Variants in LIPJ observed in about 807,000 individuals in gnomAD.
LIPJ encodes the protein lipase family member J.
A neutral mutation model predicts 39.8 loss-of-function variants in LIPJ; 33 were observed. That is an observed-to-expected ratio of 0.83 (90% CI 0.63 to 1.11). The LOEUF (loss-of-function observed/expected upper bound fraction) is 1.11. Among genes scored for constraint, LIPJ ranks in the 50% least tolerant of loss-of-function variants. The probability of loss-of-function intolerance (pLI) is 0.00; values close to 1 mark genes in which losing one functional copy is unlikely to be tolerated. For missense variants in LIPJ, 422 were observed against 427.9 expected (o/e 0.99, Z 0.12); for synonymous variants, 128 against 139.2 (o/e 0.92, Z 0.57).
chr10:88,618,159 A>G, the LIPJ span: 1 of 151,872 alleles, frequency 6.6e-6, no homozygotes, highest in African/African-American at 2.4e-5. Context: ...TTTTTTTTCA[A>G]TTTGAAAGCA....
downstream of LIPJ, among the ~76,000 whole-genome samples, chr10:88,610,587 A>C (rs1008204212): frequency 6.6e-6 from 1 of 152,174 alleles, no homozygotes; most frequent in Non-Finnish European, 1.5e-5. Flanking sequence ...TACAATTGCC[A>C]AAACAATTTT....
At chr10:88,592,572 G>A (rs536559506) in intron 4 of LIPJ, 1 of 151,910 alleles carries the variant, frequency 6.6e-6, no homozygotes, top group East Asian at 1.9e-4. Flanking sequence ...AGGAGTTCAA[G>A]GTTCCCATAA....
chr10:88,583,442 G>C, upstream of LIPJ: 1 of 1,334,584 alleles, frequency 7.5e-7, no homozygotes, highest in Admixed American at 3.4e-5. Flanking sequence ...TCTCGCTTTG[G>C]GGGCCGGGCG....
chr10:88,618,021 A>G, the LIPJ span, among the ~76,000 whole-genome samples: 1 of 152,178 alleles, frequency 6.6e-6, no homozygotes, highest in Non-Finnish European at 1.5e-5. Flanking sequence ...CATATGAGAA[A>G]AAGTTGAGTT....
chr10:88,587,645 C>T (rs955953341), intron 2 of LIPJ, among the ~76,000 whole-genome samples: 1 of 152,014 alleles, frequency 6.6e-6, no homozygotes, highest in African/African-American at 2.4e-5. Context: ...TGCTGTGGTA[C>T]AAAACTACAC....
chr10:88,611,453 T>C (rs561665489), downstream of LIPJ, among the ~76,000 whole-genome samples: 8 of 152,322 alleles, frequency 5.3e-5, no homozygotes, highest in South Asian at 2.1e-4. Context: ...AGAAAGTTGA[T>C]TATTAAGCTA....
chr10:88,582,994 C>T, upstream of LIPJ: 4 of 1,493,512 alleles, frequency 2.7e-6, no homozygotes, highest in South Asian at 5.1e-5. Context: ...CTTAGACTTT[C>T]TTGGGTGCAG....
chr10:88,604,914 C>T (rs563531590), intron 9 of LIPJ, among the ~76,000 whole-genome samples: 2 of 152,082 alleles, frequency 1.3e-5, no homozygotes, highest in African/African-American at 2.4e-5. Flanking sequence ...AAGATCCTTT[C>T]GAGCAAGGAT....
At chr10:88,597,341 A>G (rs1851292137) in intron 8 of LIPJ, among the ~76,000 whole-genome samples, 1 of 151,832 alleles carries the variant, frequency 6.6e-6, no homozygotes, top group African/African-American at 2.4e-5. Context: ...AATTAGAATT[A>G]GTGCCTTCCA....
intron 8 of LIPJ, among the ~76,000 whole-genome samples, chr10:88,598,945 A>G (rs1825213893): frequency 8.6e-6 from 1 of 116,060 alleles, no homozygotes; most frequent in East Asian, 2.3e-4. Flanking sequence ...AATATTTTAT[A>G]TTGTATTTAA....
intron 8 of LIPJ, 37 bp from the exon 9 acceptor site, chr10:88,602,539 A>T (rs1419102781): frequency 1.4e-6 from 2 of 1,445,706 alleles, no homozygotes; most frequent in Non-Finnish European, 1.9e-6. Flanking sequence ...GATTCAACTT[A>T]TATAAAAATG....
exon 11 of LIPJ, chr10:88,606,755 C>G: frequency 6.2e-7 from 1 of 1,613,392 alleles, no homozygotes; most frequent in Non-Finnish European, 8.5e-7. Context: ...GTTGGCTGAC[C>G]CTGAAGACGT....
At chr10:88,613,680 A>G in the LIPJ span, among the ~76,000 whole-genome samples, 8 of 149,642 alleles carry the variant, frequency 5.3e-5, no homozygotes, top group Non-Finnish European at 1.2e-4. Flanking sequence ...GGGAGTAGGA[A>G]AAGAAGTATG....
At chr10:88,601,273 T>A (rs1186860848) in intron 8 of LIPJ, among the ~76,000 whole-genome samples, 1 of 152,074 alleles carries the variant, frequency 6.6e-6, no homozygotes, top group African/African-American at 2.4e-5. Flanking sequence ...CTCAATCACC[T>A]CGCAAAGATC....
chr10:88,602,748 T>C (rs1590087653), intron 9 of LIPJ, 101 bp downstream of exon 9: 1 of 586,130 alleles, frequency 1.7e-6, no homozygotes, highest in Non-Finnish European at 2.8e-6. Flanking sequence ...GTAATAAATT[T>C]ATAAGGATAA....
chr10:88,601,327 G>A lies in LIPJ; in HGVS notation c.724-1249G>A, dbSNP rs548485326. On this transcript the variant is annotated intron_variant, in intron 8 of 10. Transcript: ENST00000371939. ...ATGGCAACCAACAGGAATTTTGGAG[G>A]GAACAAACATTCAAACCATGGCAGT... Among the ~76,000 whole-genome samples, 7 of 152,188 alleles carry A rather than the reference G, an allele frequency of 4.6e-5. No homozygotes were observed. In the South Asian group the frequency reaches 1.5e-3, roughly 32 times the overall value.
intron 8 of LIPJ, among the ~76,000 whole-genome samples, chr10:88,601,165 C>T (rs1281576441): frequency 6.6e-6 from 1 of 152,000 alleles, no homozygotes; most frequent in Non-Finnish European, 1.5e-5. Context: ...TCAGGCTGGT[C>T]TCGAACTCCT....
Position 88,599,246 on chromosome 10 carries a change from A to G in LIPJ, c.723+2310A>G, listed in dbSNP as rs990308479. 1.3e-4 allele frequency among the ~76,000 whole-genome samples: 19 copies of G among 151,928 alleles called. 1 individual carries two copies. The East Asian group carries it at 2.3e-3, about 18-fold the overall frequency. The stretch of plus-strand genomic sequence containing the variant: ...TGCCACAATCAAGTTTAACACATCT[A>G]TCACCTCACATAGTCATATTTTTGG... On this transcript the variant is annotated intron_variant, in intron 8 of 10. Transcript: ENST00000371939.
At chr10:88,613,770 GTATATATATATATATATA>G in the LIPJ span, among the ~76,000 whole-genome samples, 1 of 75,514 alleles carries the variant, frequency 1.3e-5, no homozygotes, top group Non-Finnish European at 2.8e-5. Flanking sequence ...ATGTGTGTGT[GTATATATATATATATATA>G]TATATATATA....
Sources: allele counts gnomAD v4.1 joint callset (sites outside exome capture counted in the v4.1 genomes callset), GRCh38; gene constraint gnomAD v4.1.1; transcripts MANE v1.5; gene names NCBI Gene and HGNC (gene_info 2026-07-23, HGNC 2026-07-21).